Variants in SYT1 observed in about 807,000 individuals in gnomAD.
SYT1 encodes the protein synaptotagmin 1.
A neutral mutation model predicts 44.8 loss-of-function variants in SYT1; 8 were observed. The ratio of observed to expected loss-of-function variants is 0.18; its 90% confidence interval spans 0.10 to 0.32. The LOEUF (loss-of-function observed/expected upper bound fraction) is 0.32. SYT1 is among the 10% of genes least tolerant of loss of function. SYT1 has a pLI of 1.00. For missense variants in SYT1, 286 were observed against 509.3 expected, an observed-to-expected ratio of 0.56 and a Z score of 4.22; for synonymous variants, 154 against 188.8, an observed-to-expected ratio of 0.82 and a Z score of 1.51.
chr12:79,353,858 G>A (rs1883008134), intron 9 of SYT1, among the ~76,000 whole-genome samples: 1 of 152,148 alleles, frequency 6.6e-6, no homozygotes, highest in African/African-American at 2.4e-5. Context: ...AGTATCAATT[G>A]TCTTTTTAAT....
At chr12:79,335,148 C>T (rs146037138) in intron 8 of SYT1, among the ~76,000 whole-genome samples, 90 of 152,248 alleles carry the variant, frequency 5.9e-4, no homozygotes, top group South Asian at 2.1e-4. Context: ...GCTTCCAACA[C>T]GGCAAGCAGT....
intron 8 of SYT1, among the ~76,000 whole-genome samples, chr12:79,331,843 C>G (rs1881871239): frequency 6.6e-6 from 1 of 151,752 alleles, no homozygotes; most frequent in Non-Finnish European, 1.5e-5. Context: ...AAAATAAAGT[C>G]ATAAAAAATG....
intron 3 of SYT1, among the ~76,000 whole-genome samples, chr12:79,082,753 G>A (rs1053369372): frequency 2.0e-5 from 3 of 152,074 alleles, no homozygotes; most frequent in Non-Finnish European, 4.4e-5. Flanking sequence ...TACTTCATGA[G>A]CCAAGGAAGA....
intron 9 of SYT1, among the ~76,000 whole-genome samples, chr12:79,390,978 C>T (rs1194563025): frequency 6.6e-6 from 1 of 152,184 alleles, no homozygotes; most frequent in East Asian, 1.9e-4. Flanking sequence ...CTTCTAATGT[C>T]TTCCTCTTTC....
intron 8 of SYT1, among the ~76,000 whole-genome samples, chr12:79,317,881 T>C (rs1476038265): frequency 6.6e-6 from 1 of 152,152 alleles, no homozygotes; most frequent in African/African-American, 2.4e-5. Flanking sequence ...TGGACCGTAT[T>C]AGTCACATAG....
In SYT1 at chr12:79,134,907, A is replaced by G. The variant is rs116141163; in HGVS notation, c.-17-82596A>G. Reference sequence around the variant, plus strand: ...TGAATAAGTTCTGGGGATCTAATGTATAGCATGGTAACTATAGATAATAAT... The same window carrying G: ...TGAATAAGTTCTGGGGATCTAATGTGTAGCATGGTAACTATAGATAATAAT... On this transcript the variant is annotated intron_variant, in intron 3 of 10. Transcript: ENST00000261205. 5.7e-3 allele frequency among the ~76,000 whole-genome samples: 862 copies of G among 152,162 alleles called. 9 individuals carry two copies. The highest frequency in any genetic ancestry group is 0.02 in the African/African-American group (820 of 41,510).
At chr12:78,875,286 A>G (rs1874007288) in intron 1 of SYT1, among the ~76,000 whole-genome samples, 1 of 151,456 alleles carries the variant, frequency 6.6e-6, no homozygotes, top group South Asian at 2.1e-4. Context: ...TGCTGGGGAT[A>G]CAGAAATAAA....
intron 3 of SYT1, among the ~76,000 whole-genome samples, chr12:79,191,082 GA>G (rs1477376753): frequency 2.6e-5 from 3 of 116,436 alleles, no homozygotes; most frequent in Admixed American, 9.7e-5. Context: ...AATTTGTACT[GA>G]AAAAAACATA....
chr12:79,223,717 C>T (rs904046972), intron 4 of SYT1, among the ~76,000 whole-genome samples: 5 of 152,146 alleles, frequency 3.3e-5, no homozygotes, highest in African/African-American at 7.2e-5. Flanking sequence ...TACCAGAGAT[C>T]GAGTTTGCCA....
At chr12:79,212,007 A>G (rs1874488287) in intron 3 of SYT1, among the ~76,000 whole-genome samples, 1 of 152,282 alleles carries the variant, frequency 6.6e-6, no homozygotes, top group Non-Finnish European at 1.5e-5. Flanking sequence ...TAAATTTTTT[A>G]AGATTTTGCT....
chr12:79,441,820 G>C (rs1012092561), intron 9 of SYT1, among the ~76,000 whole-genome samples: 1 of 152,164 alleles, frequency 6.6e-6, no homozygotes, highest in Non-Finnish European at 1.5e-5. Context: ...TGCAGGTACT[G>C]CTCCTTCTGG....
intron 8 of SYT1, among the ~76,000 whole-genome samples, chr12:79,303,610 A>T (rs903043973): frequency 5.9e-5 from 9 of 152,154 alleles, no homozygotes; most frequent in Non-Finnish European, 1.2e-4. Context: ...TTGGAACATA[A>T]TTTAATTAGT....
At chr12:79,096,803 C>T (rs1053785622) in intron 3 of SYT1, among the ~76,000 whole-genome samples, 2 of 151,676 alleles carry the variant, frequency 1.3e-5, no homozygotes, top group Admixed American at 6.6e-5. Context: ...ATATGGGAGT[C>T]GAATTAAATT....
Position 79,044,701 on chromosome 12 carries a change from A to G in SYT1, c.-83-2596A>G, listed in dbSNP as rs559134239. Among the ~76,000 whole-genome samples, 659 of 146,274 alleles carry G rather than the reference A, an allele frequency of 4.5e-3. 3 individuals carry two copies. The highest frequency in any genetic ancestry group is 0.01 in the Middle Eastern group (3 of 286). On this transcript the variant is annotated intron_variant, in intron 2 of 10. Transcript: ENST00000261205. ...TGCGTTCCTTTGGAGGAGGAGAGGCACTCTGCTTTTTAGAGTTTCCAGTTT... is the reference window on the plus strand; with the variant it reads ...TGCGTTCCTTTGGAGGAGGAGAGGCGCTCTGCTTTTTAGAGTTTCCAGTTT...
At chr12:79,437,298 C>T (rs1870145031) in intron 9 of SYT1, among the ~76,000 whole-genome samples, 1 of 152,076 alleles carries the variant, frequency 6.6e-6, no homozygotes, top group Admixed American at 6.6e-5. Context: ...GAGGACATTA[C>T]TGCAAGAGAA....
intron 1 of SYT1, among the ~76,000 whole-genome samples, chr12:78,894,346 T>TTTTG: frequency 8.3e-6 from 1 of 120,292 alleles, no homozygotes; most frequent in African/African-American, 3.4e-5. Flanking sequence ...TTTTTTTTTT[T>TTTTG]TTTTTTTTTT....
chr12:79,443,113 T>A (rs1870520223), intron 9 of SYT1, among the ~76,000 whole-genome samples: 1 of 152,180 alleles, frequency 6.6e-6, no homozygotes. Flanking sequence ...TATTAATCTT[T>A]GCCTAATGGG....
chr12:78,943,808 A>G (rs878990342), intron 1 of SYT1, among the ~76,000 whole-genome samples: 1 of 152,196 alleles, frequency 6.6e-6, no homozygotes, highest in Admixed American at 6.5e-5. Context: ...ACAATTCATC[A>G]TATGGTTCTT....
At chr12:78,989,587 T>C (rs1869882083) in intron 2 of SYT1, among the ~76,000 whole-genome samples, 1 of 152,070 alleles carries the variant, frequency 6.6e-6, no homozygotes, top group Admixed American at 6.6e-5. Flanking sequence ...GGATTCTTTT[T>C]AAAGTTAGCT....
Sources: allele counts gnomAD v4.1 joint callset (sites outside exome capture counted in the v4.1 genomes callset), GRCh38; gene constraint gnomAD v4.1.1; transcripts MANE v1.5; gene names NCBI Gene and HGNC (gene_info 2026-07-23, HGNC 2026-07-21).